The following CYTH4 variants were observed in gnomAD, a reference collection of about 807,000 sequenced individuals.
The protein encoded by CYTH4 is cytohesin-4.
In CYTH4, 22 loss-of-function variants were observed where a neutral mutation model predicts 57.5. That is an observed-to-expected ratio of 0.38 (90% CI 0.27 to 0.55). The LOEUF (loss-of-function observed/expected upper bound fraction) is 0.55, where lower values mean the gene tolerates loss of function less well. CYTH4 is among the 20% of genes least tolerant of loss of function. The probability of loss-of-function intolerance (pLI) is 0.74; values close to 1 mark genes in which losing one functional copy is unlikely to be tolerated. For synonymous variants in CYTH4, 186 were observed against 206.5 expected (o/e 0.90, Z 0.85); for missense variants, 420 against 535.6 (o/e 0.78, Z 2.13).
intron 9 of CYTH4, among the ~76,000 whole-genome samples, chr22:37,310,292 G>A (rs1308496736): frequency 6.6e-6 from 1 of 151,836 alleles, no homozygotes; most frequent in Non-Finnish European, 1.5e-5. Flanking sequence ...GATGGGAGAG[G>A]GAGCCTCAGA....
chr22:37,309,334 G>A lies in CYTH4; in HGVS notation c.808+11G>A, dbSNP rs749421525. On this transcript the variant is annotated intron_variant, in intron 9 of 12. Coordinates refer to ENST00000248901, the MANE Select transcript of CYTH4 (RefSeq NM_013385.5). The stretch of plus-strand genomic sequence containing the variant: ...GGCTGCTCAAGCTAGGTGAGAGACC[G>A]ACAGACACACGTCGTCGCACACACA... The A allele has an allele frequency of 2.2e-5, 36 of 1,612,164 alleles. No homozygotes were observed. The highest frequency in any genetic ancestry group is 1.9e-4 in the African/African-American group (14 of 74,994).
chr22:37,303,783 C>T (rs1929285785), intron 8 of CYTH4, among the ~76,000 whole-genome samples: 1 of 152,212 alleles, frequency 6.6e-6, no homozygotes, highest in Admixed American at 6.5e-5. Context: ...CCTGAAAACC[C>T]TCAGACTCTG....
chr22:37,290,196 C>A (rs1928701181), intron 1 of CYTH4, among the ~76,000 whole-genome samples: 1 of 152,202 alleles, frequency 6.6e-6, no homozygotes, highest in Admixed American at 6.5e-5. Flanking sequence ...ACCACCTGGT[C>A]TCTATGTACC....
intron 7 of CYTH4, 94 bp from the exon 8 acceptor site, chr22:37,303,160 G>GT (rs397762493): frequency 6.4e-7 from 1 of 1,553,560 alleles, no homozygotes; most frequent in Non-Finnish European, 8.7e-7. Flanking sequence ...GACCTTCGGG[G>GT]CCTTGCAATG....
intron 12 of CYTH4, among the ~76,000 whole-genome samples, chr22:37,312,791 G>A (rs1250266313): frequency 6.6e-6 from 1 of 152,152 alleles, no homozygotes; most frequent in East Asian, 1.9e-4. Flanking sequence ...GCCACCAACA[G>A]GAGAGACATG....
At chr22:37,285,034 C>G (rs1420877584) in intron 1 of CYTH4, among the ~76,000 whole-genome samples, 4 of 152,224 alleles carry the variant, frequency 2.6e-5, no homozygotes, top group African/African-American at 9.6e-5. Context: ...CCCACACCCC[C>G]TCTGCCCCAG....
chr22:37,294,763 G>A lies in CYTH4; in HGVS notation c.167+39G>A, dbSNP rs764554910. ...GTGGGGACCCCCAGAAACTGCCATG[G>A]TTGCTTCCCAAGGATGTCATACACC... On this transcript the variant is annotated intron_variant, in intron 3 of 12. Transcript: ENST00000248901. The A allele has an allele frequency of 1.9e-6, 3 of 1,611,756 alleles. No homozygotes were observed. In the South Asian group the frequency reaches 3.3e-5, roughly 18 times the overall value.
chr22:37,308,581 C>CGT (rs1929499191), intron 8 of CYTH4, among the ~76,000 whole-genome samples: 1 of 147,434 alleles, frequency 6.8e-6, no homozygotes, highest in Non-Finnish European at 1.5e-5. Context: ...TATGTGTGAG[C>CGT]GTGTATATGT....
chr22:37,314,014 G>T lies in CYTH4; in HGVS notation c.*503G>T, dbSNP rs1929753382. 7.4e-6 allele frequency: 2 copies of T among 270,324 alleles called. No individual in the cohort carries two copies. The highest frequency in any genetic ancestry group is 1.4e-5 in the Non-Finnish European group (2 of 142,926). The allele number at this position is 270,324 out of a possible 1,614,324, so 16.7% of individuals were successfully genotyped here. ...TGGGCTTGGCCCTCTCTGCCTGAGAGAGCTCAGCACACACACAGCTCAGAC... is the reference window on the plus strand; with the variant it reads ...TGGGCTTGGCCCTCTCTGCCTGAGATAGCTCAGCACACACACAGCTCAGAC... On this transcript the variant is annotated 3_prime_UTR_variant, in exon 13 of 13. Coordinates refer to ENST00000248901, the MANE Select transcript of CYTH4 (RefSeq NM_013385.5).
At chr22:37,299,348 A>G in intron 6 of CYTH4, 42 bp downstream of exon 6, 1 of 1,570,730 alleles carries the variant, frequency 6.4e-7, no homozygotes. Flanking sequence ...CAAGGGTGGC[A>G]CAGCCCCAGT....
At position 37,300,164 on chromosome 22, in the gene CYTH4, G is replaced by A. The variant is rs1229724756; in HGVS notation, c.435-743G>A. ...GCTTGAAAACTCAGATTCCGAGAAG[G>A]AGCATCTGATCTGGGCTTTGGAGGG... On this transcript the variant is annotated intron_variant, in intron 6 of 12. Coordinates refer to ENST00000248901, the MANE Select transcript of CYTH4 (RefSeq NM_013385.5). 1.8e-5 allele frequency: 13 copies of A among 717,564 alleles called. No homozygotes were observed. The East Asian group carries it at 3.5e-4, about 19-fold the overall frequency. 44.4% of individuals were successfully genotyped at this position (717,564 alleles called of 1,614,324 possible).
At chr22:37,296,796 C>T (rs143108936) in intron 4 of CYTH4, among the ~76,000 whole-genome samples, 2,654 of 152,304 alleles carry the variant, frequency 0.017, 35 homozygotes, top group Non-Finnish European at 0.03. Flanking sequence ...CACACTCTCA[C>T]CCCACCCAGC....
intron 1 of CYTH4, among the ~76,000 whole-genome samples, chr22:37,288,760 A>G (rs1928644814): frequency 6.6e-6 from 1 of 152,218 alleles, no homozygotes; most frequent in South Asian, 2.1e-4. Context: ...GCCCCATCCA[A>G]GTGGATATCA....
Position 37,296,071 on chromosome 22 carries a change from T to C in CYTH4, c.234+6T>C. On this transcript the variant is annotated splice_donor_region_variant and intron_variant, in intron 4 of 12. Coordinates refer to ENST00000248901, the MANE Select transcript of CYTH4 (RefSeq NM_013385.5). ...TCAACATGGACCCCGCCAAGGTAGGTGGCTGTGGAGGGCCCGGGCCACAGG... is the reference window on the plus strand; with the variant it reads ...TCAACATGGACCCCGCCAAGGTAGGCGGCTGTGGAGGGCCCGGGCCACAGG... The C allele has an allele frequency of 1.2e-6, 2 of 1,611,840 alleles. No homozygotes were observed. The highest frequency in any genetic ancestry group is 1.7e-6 in the Non-Finnish European group (2 of 1,178,880).
At chr22:37,293,479 T>A (rs1264888894) in intron 2 of CYTH4, among the ~76,000 whole-genome samples, 1 of 152,252 alleles carries the variant, frequency 6.6e-6, no homozygotes, top group Non-Finnish European at 1.5e-5. Flanking sequence ...CCCAGCCCGC[T>A]GGGTGCAGCA....
intron 1 of CYTH4, among the ~76,000 whole-genome samples, chr22:37,290,246 C>T (rs901246405): frequency 9.2e-5 from 14 of 152,168 alleles, no homozygotes; most frequent in African/African-American, 2.9e-4. Context: ...CAGTCTTGAG[C>T]GCTGATGTCA....
At chr22:37,288,772 C>G (rs1235888458) in intron 1 of CYTH4, among the ~76,000 whole-genome samples, 2 of 152,210 alleles carry the variant, frequency 1.3e-5, no homozygotes, top group Non-Finnish European at 2.9e-5. Context: ...TGGATATCAC[C>G]TCCAGGCTGA....
chr22:37,309,446 G>GGGAT, intron 9 of CYTH4, 123 bp downstream of exon 9: 1 of 858,796 alleles, frequency 1.2e-6, no homozygotes, highest in Non-Finnish European at 1.8e-6. Flanking sequence ...TGCATCCTGG[G>GGGAT]GGATGGAGTT....
At chr22:37,299,436 GA>G (rs1601704171) in intron 6 of CYTH4, 130 bp downstream of exon 6, 1 of 847,250 alleles carries the variant, frequency 1.2e-6, no homozygotes, top group East Asian at 2.6e-5. Context: ...CAAGGAACAA[GA>G]ATGACTTCAT....
Sources: gnomAD v4.1 joint callset for allele counts (sites outside exome capture counted in the v4.1 genomes callset) on GRCh38, gnomAD v4.1.1 for gene constraint, MANE v1.5 for transcripts, NCBI Gene and HGNC (gene_info 2026-07-23, HGNC 2026-07-21) for gene names.